DPH7: variants seen among roughly 807,000 people sequenced by gnomAD.
DPH7 encodes diphthine methyltransferase.
In DPH7, 44 loss-of-function variants were observed where a neutral mutation model predicts 41.7. That is an observed-to-expected ratio of 1.05 (90% CI 0.83 to 1.36). The LOEUF is 1.36. DPH7 is among the 40% of genes most tolerant of loss of function. The pLI, the probability that DPH7 is intolerant of heterozygous loss-of-function variation, is 0.00. For missense variants in DPH7, 629 were observed against 577.5 expected (o/e 1.09, Z -0.91); for synonymous variants, 275 against 238.0 (o/e 1.16, Z -1.43).
chr9:137,557,601 A>G (rs1031343804), intron 8 of DPH7, among the ~76,000 whole-genome samples: 2 of 145,334 alleles, frequency 1.4e-5, no homozygotes, highest in Non-Finnish European at 3.0e-5. Flanking sequence ...GGTGGATCAC[A>G]TGAGGGCAGG....
chr9:137,554,979 GA>G lies in DPH7; in HGVS notation c.*259del, dbSNP rs556221998. 70 of 397,432 alleles carry G rather than the reference GA, an allele frequency of 1.8e-4. 2 individuals carry two copies. Among genetic ancestry groups the G allele is most frequent in the Admixed American group, 1.4e-3 (33 of 23,166 alleles). The allele number at this position is 397,432 out of a possible 1,614,324, so 24.6% of individuals were successfully genotyped here. ...AGGCTGAAAGTCAAAATCTGCCTGA[GA>G]AACTTAACAAATCTGCAAGCTGGAA... On this transcript the variant is annotated 3_prime_UTR_variant, in exon 9 of 9. Coordinates refer to ENST00000277540, the MANE Select transcript of DPH7 (RefSeq NM_138778.5).
At chr9:137,573,794 G>A (rs566584448) in intron 5 of DPH7, among the ~76,000 whole-genome samples, 12 of 151,610 alleles carry the variant, frequency 7.9e-5, no homozygotes, top group South Asian at 2.1e-4. Context: ...GTGGCCAGGC[G>A]CAGTGGCTCA....
At chr9:137,559,786 C>T (rs1324135504) in intron 8 of DPH7, among the ~76,000 whole-genome samples, 1 of 152,186 alleles carries the variant, frequency 6.6e-6, no homozygotes, top group Non-Finnish European at 1.5e-5. Flanking sequence ...CACTCTTTAC[C>T]CTGCCCCTTT....
chr9:137,562,566 G>A (rs1289700438), intron 8 of DPH7, among the ~76,000 whole-genome samples: 1 of 152,222 alleles, frequency 6.6e-6, no homozygotes, highest in African/African-American at 2.4e-5. Context: ...GCAGTGCTCA[G>A]AGGAAAATGT....
At position 137,570,167 on chromosome 9, in the gene DPH7, T is replaced by C. The variant is rs995316702; in HGVS notation, c.640+4041A>G. Among the ~76,000 whole-genome samples, 3 of 133,722 alleles carry C rather than the reference T, an allele frequency of 2.2e-5. 1 individual carries two copies. The highest frequency in any genetic ancestry group is 8.4e-5 in the African/African-American group (3 of 35,790). The allele number at this position is 133,722 out of a possible 152,430, so 87.7% of individuals were successfully genotyped here. ...CACCACCCATCAAATAGGTACTTGCTGAACACACACTATGGACCCTCATAA... is the reference window on the plus strand; with the variant it reads ...CACCACCCATCAAATAGGTACTTGCCGAACACACACTATGGACCCTCATAA... On this transcript the variant is annotated intron_variant, in intron 5 of 8. Transcript: ENST00000277540.
intron 3 of DPH7, 166 bp downstream of exon 3, chr9:137,575,914 C>G (rs750654664): frequency 7.0e-7 from 1 of 1,425,218 alleles, no homozygotes; most frequent in Non-Finnish European, 9.2e-7. Context: ...GGATGTAGAA[C>G]GCAATACAAC....
intron 4 of DPH7, 36 bp downstream of exon 4, chr9:137,574,715 GA>G: frequency 1.9e-6 from 3 of 1,597,000 alleles, no homozygotes; most frequent in Non-Finnish European, 2.6e-6. Flanking sequence ...GGTTCTCAGA[GA>G]AAGACTCAGG....
intron 5 of DPH7, among the ~76,000 whole-genome samples, chr9:137,569,067 C>T (rs1281115665): frequency 1.3e-5 from 2 of 152,028 alleles, no homozygotes; most frequent in Non-Finnish European, 2.9e-5. Context: ...TGAACCACAA[C>T]CAATCTTCCA....
At chr9:137,575,222 C>T in intron 3 of DPH7, 1 of 1,006,562 alleles carries the variant, frequency 9.9e-7, no homozygotes, top group Non-Finnish European at 1.2e-6. Context: ...GCCACTGGAA[C>T]ACTCGCCTCC....
At chr9:137,564,845 G>A (rs1399094671) in intron 7 of DPH7, 48 bp downstream of exon 7, 1 of 1,560,982 alleles carries the variant, frequency 6.4e-7, no homozygotes, top group Non-Finnish European at 8.7e-7. Flanking sequence ...AGCCCCCCGG[G>A]GACAGCGAAA....
intron 2 of DPH7, among the ~76,000 whole-genome samples, chr9:137,576,746 C>T (rs934988549): frequency 2.6e-5 from 4 of 151,986 alleles, no homozygotes; most frequent in Admixed American, 2.0e-4. Flanking sequence ...AAAAATAAGC[C>T]GGGTGTGGTG....
At chr9:137,573,455 G>A (rs1443233654) in intron 5 of DPH7, among the ~76,000 whole-genome samples, 1 of 146,294 alleles carries the variant, frequency 6.8e-6, no homozygotes, top group African/African-American at 2.5e-5. Flanking sequence ...GAGGCGGGAG[G>A]ATCACGAGGT....
intron 5 of DPH7, among the ~76,000 whole-genome samples, chr9:137,568,730 G>A (rs568156003): frequency 3.5e-4 from 53 of 152,262 alleles, no homozygotes; most frequent in African/African-American, 1.1e-3. Context: ...AAAGACGGAC[G>A]GGAACAGAAA....
chr9:137,570,963 G>A (rs376073315), intron 5 of DPH7, among the ~76,000 whole-genome samples: 4 of 152,058 alleles, frequency 2.6e-5, no homozygotes, highest in Non-Finnish European at 5.9e-5. Flanking sequence ...CTGTCTCCCC[G>A]CCACAGAATG....
At chr9:137,564,354 G>A (rs936388305) in intron 8 of DPH7, 80 bp downstream of exon 8, 1 of 1,515,400 alleles carries the variant, frequency 6.6e-7, no homozygotes, top group African/African-American at 1.4e-5. Flanking sequence ...GCAGGGAGCT[G>A]AGGGAAGAGC....
chr9:137,562,146 G>A (rs1838733684), intron 8 of DPH7, among the ~76,000 whole-genome samples: 1 of 152,150 alleles, frequency 6.6e-6, no homozygotes. Flanking sequence ...TTACAGGCGT[G>A]AGCCACCGTG....
chr9:137,571,935 A>G (rs1430806541), intron 5 of DPH7, among the ~76,000 whole-genome samples: 1 of 152,208 alleles, frequency 6.6e-6, no homozygotes, highest in Non-Finnish European at 1.5e-5. Flanking sequence ...GAATTATTCA[A>G]TCATTGCCCT....
intron 1 of DPH7, 71 bp from the exon 2 acceptor site, chr9:137,577,674 T>C: frequency 1.3e-6 from 2 of 1,567,512 alleles, no homozygotes; most frequent in Non-Finnish European, 8.7e-7. Context: ...GGAAAAGGGA[T>C]CCAAGGAACT....
At chr9:137,564,667 G>A (rs1283876986) in intron 7 of DPH7, 61 bp from the exon 8 acceptor site, 1 of 1,572,086 alleles carries the variant, frequency 6.4e-7, no homozygotes, top group African/African-American at 1.4e-5. Context: ...GTTCCACAAG[G>A]CCCCTGGGGG....
Sources: allele counts gnomAD v4.1 joint callset (sites outside exome capture counted in the v4.1 genomes callset), GRCh38; gene constraint gnomAD v4.1.1; transcripts MANE v1.5; gene names NCBI Gene and HGNC (gene_info 2026-07-23, HGNC 2026-07-21).